ADA2: variants seen among roughly 807,000 people sequenced by gnomAD.
ADA2 encodes adenosine deaminase CECR1.
In ADA2, 29 loss-of-function variants were observed where a neutral mutation model predicts 44.2. That is an observed-to-expected ratio of 0.66 (90% CI 0.49 to 0.89). ADA2 has a LOEUF of 0.89. ADA2 is among the 40% of genes least tolerant of loss of function. The pLI is 0.00. For synonymous variants in ADA2, 215 were observed against 234.9 expected (o/e 0.92, Z 0.77); for missense variants, 637 against 644.8 (o/e 0.99, Z 0.13).
chr22:17,206,930 AG>A (rs1341220132), intron 3 of ADA2, 140 bp downstream of exon 3: 21 of 636,344 alleles, frequency 3.3e-5, no homozygotes, highest in Non-Finnish European at 5.8e-5. Context: ...CTGGGATTAT[AG>A]GCGTGAACCA....
chr22:17,201,956 T>C (rs1015030196), intron 4 of ADA2, among the ~76,000 whole-genome samples: 1 of 137,418 alleles, frequency 7.3e-6, no homozygotes, highest in African/African-American at 2.9e-5. Flanking sequence ...TCAAATTTTT[T>C]TTTCTTTTTT....
rs1269674261 is a variant in ADA2 at position 17,191,784 on chromosome 22, A to G, written c.780T>C (p.His260=). The G allele has an allele frequency of 6.2e-7, 1 of 1,613,734 alleles. No homozygotes were observed. The highest frequency in any genetic ancestry group is 8.5e-7 in the Non-Finnish European group (1 of 1,179,918). ...LPVYELSGEH[H]DEEWSVKTYQ... ...AAGTCTTCACTGACCACTCTTCGTCATGGTGCTCTCCACTGAGCTCATACA... is the reference window on the plus strand; with the variant it reads ...AAGTCTTCACTGACCACTCTTCGTCGTGGTGCTCTCCACTGAGCTCATACA... The change falls in exon 5 of 10, where the codon CAT becomes CAC. Residue 260 remains histidine (H), a synonymous_variant. Coordinates refer to ENST00000399837, the MANE Select transcript of ADA2 (RefSeq NM_001282225.2).
chr22:17,208,793 A>G (rs2062384123), intron 2 of ADA2, among the ~76,000 whole-genome samples: 2 of 151,492 alleles, frequency 1.3e-5, no homozygotes, highest in South Asian at 4.2e-4. Context: ...ACAGAGTGAG[A>G]CTCTGTCTCA....
chr22:17,195,520 C>A (rs5748940), intron 4 of ADA2, among the ~76,000 whole-genome samples: 79,770 of 150,506 alleles, frequency 0.53, 21,832 homozygotes, highest in East Asian at 0.83. Flanking sequence ...CAGAGCAAGA[C>A]TCCGTCTCAA....
chr22:17,181,124 G>A lies in ADA2; in HGVS notation c.*359C>T, dbSNP rs1568964814. 5.6e-6 allele frequency: 1 copy of A among 178,382 alleles called. No individual in the cohort carries two copies. The highest frequency in any genetic ancestry group is 1.2e-5 in the Non-Finnish European group (1 of 85,406). The allele number at this position is 178,382 out of a possible 1,614,324, so 11.0% of individuals were successfully genotyped here. A position where few individuals can be genotyped will look rare whatever the true frequency, so the allele number is the denominator to read the frequency against. ...TTGTACTCCAGCCTGGGCAACAAGA[G>A]CAAAACTCCATCTCGAAAAAATACA... On this transcript the variant is annotated 3_prime_UTR_variant, in exon 10 of 10. Coordinates refer to ENST00000399837, the MANE Select transcript of ADA2 (RefSeq NM_001282225.2).
chr22:17,211,053 TA>T (rs2062413316), intron 1 of ADA2, among the ~76,000 whole-genome samples: 2 of 151,310 alleles, frequency 1.3e-5, no homozygotes, highest in South Asian at 2.1e-4. Flanking sequence ...CTAAAAAAAA[TA>T]TTTTTTTATT....
At chr22:17,212,364 AAGT>A (rs1459732370) in intron 1 of ADA2, among the ~76,000 whole-genome samples, 1 of 151,460 alleles carries the variant, frequency 6.6e-6, no homozygotes, top group Middle Eastern at 3.2e-3. Flanking sequence ...TCCCTGGTCC[AAGT>A]AGTTCTTCTG....
rs764925030 is a variant in ADA2, at chr22:17,189,936, G to T, written c.972+6C>A. On this transcript the variant is annotated splice_donor_region_variant and intron_variant, in intron 6 of 9. Coordinates refer to ENST00000399837, the MANE Select transcript of ADA2 (RefSeq NM_001282225.2). ...AGGCAGCCCTTCTGTTCACAGCATG[G>T]GTTACCAGGTCAAACCCTGCCACCA... 3 of 1,606,632 alleles carry T rather than the reference G, an allele frequency of 1.9e-6. No homozygotes were observed. The highest frequency in any genetic ancestry group is 2.6e-6 in the Non-Finnish European group (3 of 1,173,164).
intron 9 of ADA2, 56 bp downstream of exon 9, chr22:17,181,764 A>G: frequency 6.7e-7 from 1 of 1,490,888 alleles, no homozygotes; most frequent in Non-Finnish European, 9.3e-7. Context: ...AGAGAGGCAA[A>G]CACAAGCTGC....
chr22:17,187,993 A>G (rs2123631140), intron 7 of ADA2, among the ~76,000 whole-genome samples: 2 of 152,052 alleles, frequency 1.3e-5, no homozygotes, highest in African/African-American at 4.8e-5. Flanking sequence ...AGTACCAGCT[A>G]CTTGGAAGGC....
chr22:17,200,234 T>G (rs2062261464), intron 4 of ADA2, among the ~76,000 whole-genome samples: 1 of 152,128 alleles, frequency 6.6e-6, no homozygotes, highest in Non-Finnish European at 1.5e-5. Flanking sequence ...CTCTGGGAAG[T>G]GCAGTTTCTT....
At chr22:17,208,322 G>T (rs898072410) in intron 2 of ADA2, among the ~76,000 whole-genome samples, 30 of 151,318 alleles carry the variant, frequency 2.0e-4, no homozygotes, top group Admixed American at 5.3e-4. Context: ...TACTCGGGAG[G>T]CTGAGGCAGG....
intron 1 of ADA2, among the ~76,000 whole-genome samples, chr22:17,217,951 A>G (rs554612849): frequency 6.6e-6 from 1 of 152,352 alleles, no homozygotes; most frequent in East Asian, 1.9e-4. Context: ...GTATCATTCT[A>G]ACTGTGCAAC....
intron 4 of ADA2, chr22:17,199,615 T>C (rs1181532455): frequency 2.5e-6 from 4 of 1,613,968 alleles, no homozygotes; most frequent in Non-Finnish European, 3.4e-6. Flanking sequence ...AGCCAGATGC[T>C]CTCTGGGATC....
In ADA2 at chr22:17,183,457, T is replaced by A. The variant is rs1359530295; in HGVS notation, c.1082-696A>T. ...TCCTTCTTCCTCTTTTGTGGCACTC[T>A]TTTTTTTTTTTTTTTTTTTTTGAGA... On this transcript the variant is annotated intron_variant, in intron 7 of 9. Coordinates refer to ENST00000399837, the MANE Select transcript of ADA2 (RefSeq NM_001282225.2). Among the ~76,000 whole-genome samples the A allele has an allele frequency of 2.8e-3, 177 of 64,014 alleles. 2 individuals are homozygous for A. Among genetic ancestry groups the A allele is most frequent in the African/African-American group, 5.6e-3 (87 of 15,576 alleles). 42.0% of individuals were successfully genotyped at this position (64,014 alleles called of 152,430 possible). A position where few individuals can be genotyped will look rare whatever the true frequency, so the allele number is the denominator to read the frequency against.
intron 7 of ADA2, among the ~76,000 whole-genome samples, chr22:17,183,297 A>C (rs1339246738): frequency 6.6e-6 from 1 of 150,900 alleles, no homozygotes; most frequent in Non-Finnish European, 1.5e-5. Flanking sequence ...GTTGGCCAGG[A>C]TGGTCTTGAT....
At chr22:17,208,455 A>G (rs2062379846) in intron 2 of ADA2, among the ~76,000 whole-genome samples, 1 of 151,392 alleles carries the variant, frequency 6.6e-6, no homozygotes. Context: ...GAAAAAAAAA[A>G]AACAGGTGTT....
chr22:17,182,590 T>A lies in ADA2; in HGVS notation c.1239+14A>T. ...GGGAGATCATATGGGATTAGCCACA[T>A]GGGTCACACATACCTGGTTAGAGAT... On this transcript the variant is annotated intron_variant, in intron 8 of 9. Transcript: ENST00000399837. 1 of 1,613,952 alleles carries A rather than the reference T, an allele frequency of 6.2e-7. No homozygotes were observed. The highest frequency in any genetic ancestry group is 2.2e-5 in the East Asian group (1 of 44,874).
chr22:17,197,570 C>G (rs1249806139), intron 4 of ADA2, among the ~76,000 whole-genome samples: 2 of 152,188 alleles, frequency 1.3e-5, no homozygotes, highest in African/African-American at 2.4e-5. Flanking sequence ...TGCACCTGGC[C>G]AGTACTGGCA....
Sources: gnomAD v4.1 joint callset for allele counts (sites outside exome capture counted in the v4.1 genomes callset) on GRCh38, gnomAD v4.1.1 for gene constraint, MANE v1.5 for transcripts, NCBI Gene and HGNC (gene_info 2026-07-23, HGNC 2026-07-21) for gene names.